The following ANK3 variants were observed in gnomAD, a reference collection of about 807,000 sequenced individuals.
ANK3 encodes ankyrin-3.
ANK3 carries 57 observed loss-of-function variants against 370.9 expected under a neutral mutation model. The ratio of observed to expected loss-of-function variants is 0.15; its 90% CI spans 0.12 to 0.19. The LOEUF (loss-of-function observed/expected upper bound fraction) is 0.19, where lower values mean the gene tolerates loss of function less well. Ranked by LOEUF, ANK3 falls within the 10% of genes least tolerant of loss-of-function variation. ANK3 has a pLI of 1.00. For synonymous variants in ANK3, 1,929 were observed against 1,946.3 expected, an observed-to-expected ratio of 0.99 and a Z score of 0.23; for missense variants, 4,439 against 5,302.1, an observed-to-expected ratio of 0.84 and a Z score of 5.06.
chr10:60,176,195 A>C lies in ANK3; in HGVS notation c.2185-3009T>G, dbSNP rs2393619. Among the ~76,000 whole-genome samples, 5 of 140,336 alleles carry C rather than the reference A, an allele frequency of 3.6e-5. No individual in the cohort carries two copies. The East Asian group carries it at 9.3e-4, about 26-fold the overall frequency. 92.1% of individuals were successfully genotyped at this position (140,336 alleles called of 152,430 possible). A position where few individuals can be genotyped will look rare whatever the true frequency, so the allele number is the denominator to read the frequency against. ...CTAAAAATACAAAAAAAAAAAAAAA[A>C]CAAAAAAAAACAAAAAACAATTAGC... On this transcript the variant is annotated intron_variant, in intron 18 of 43. Coordinates refer to ENST00000280772, the MANE Select transcript of ANK3 (RefSeq NM_020987.5).
At chr10:60,547,381 G>A (rs185326784) in intron 2 of ANK3, among the ~76,000 whole-genome samples, 5 of 151,904 alleles carry the variant, frequency 3.3e-5, no homozygotes, top group East Asian at 1.9e-4. Flanking sequence ...GTGAGCCATC[G>A]CTCCCGGTCC....
chr10:60,646,925 T>G (rs2078717206), intron 1 of ANK3, among the ~76,000 whole-genome samples: 1 of 152,190 alleles, frequency 6.6e-6, no homozygotes, highest in African/African-American at 2.4e-5. Flanking sequence ...CTTTCTAATA[T>G]AAATTATTCT....
chr10:60,650,926 T>C (rs2078780119), intron 1 of ANK3, among the ~76,000 whole-genome samples: 1 of 85,832 alleles, frequency 1.2e-5, no homozygotes, highest in Non-Finnish European at 2.6e-5. Context: ...TCCTACAAAA[T>C]TTTAACAACA....
At chr10:60,322,139 A>G (rs1017279856) in intron 1 of ANK3, among the ~76,000 whole-genome samples, 1 of 152,158 alleles carries the variant, frequency 6.6e-6, no homozygotes, top group Non-Finnish European at 1.5e-5. Context: ...CTTAACTAAT[A>G]TATTAAGTAA....
At chr10:60,638,996 T>C (rs1464253297) in intron 1 of ANK3, among the ~76,000 whole-genome samples, 1 of 151,930 alleles carries the variant, frequency 6.6e-6, no homozygotes, top group African/African-American at 2.4e-5. Flanking sequence ...CCAAATTTGA[T>C]AAAAAGCCTA....
intron 1 of ANK3, among the ~76,000 whole-genome samples, chr10:60,290,812 A>T (rs1420781622): frequency 2.0e-5 from 3 of 152,202 alleles, no homozygotes; most frequent in Non-Finnish European, 4.4e-5. Context: ...AGGCAAAACA[A>T]CATTCCCAAC....
intron 1 of ANK3, among the ~76,000 whole-genome samples, chr10:60,718,887 T>C (rs1267827653): frequency 2.6e-5 from 4 of 152,152 alleles, no homozygotes; most frequent in African/African-American, 9.7e-5. Context: ...GAAAAACTGC[T>C]CTCTGCTTTT....
chr10:60,591,058 A>G (rs1234769839), intron 2 of ANK3, among the ~76,000 whole-genome samples: 1 of 152,126 alleles, frequency 6.6e-6, no homozygotes, highest in African/African-American at 2.4e-5. Flanking sequence ...AGAGCAAGAG[A>G]CACAAAACAC....
chr10:60,045,528 T>C (rs1292493479), intron 42 of ANK3, among the ~76,000 whole-genome samples: 1 of 152,226 alleles, frequency 6.6e-6, no homozygotes, highest in Non-Finnish European at 1.5e-5. Flanking sequence ...GTGCCACTTA[T>C]AGTTCGGGAG....
chr10:60,529,988 C>T lies in ANK3; in HGVS notation c.96+85198G>A, dbSNP rs537534493. 1.1e-4 allele frequency among the ~76,000 whole-genome samples: 17 copies of T among 152,226 alleles called. No individual in the cohort carries two copies. In the Middle Eastern group the frequency reaches 0.017, roughly 152 times the overall value. ...GCATTAAAAAGGAATTGGGATTCCC[C>T]CATCCCACCCCCTGCTTTTGAAGGA... On this transcript the variant is annotated intron_variant, in intron 2 of 43. Transcript: ENST00000373827.
At chr10:60,358,163 C>T (rs2058080907) in intron 1 of ANK3, among the ~76,000 whole-genome samples, 1 of 151,624 alleles carries the variant, frequency 6.6e-6, no homozygotes, top group Non-Finnish European at 1.5e-5. Flanking sequence ...CTCTCTTATC[C>T]CACTTTTCCA....
intron 1 of ANK3, among the ~76,000 whole-genome samples, chr10:60,364,688 T>C (rs1406521755): frequency 6.6e-6 from 1 of 152,058 alleles, no homozygotes; most frequent in Non-Finnish European, 1.5e-5. Context: ...ACTTAAAGTA[T>C]AATTAAAAAA....
At chr10:60,166,791 T>C in intron 22 of ANK3, 33 bp downstream of exon 22, 1 of 1,604,038 alleles carries the variant, frequency 6.2e-7, no homozygotes, top group Non-Finnish European at 8.5e-7. Flanking sequence ...CAGTCACTTA[T>C]AATTATTGTG....
intron 2 of ANK3, among the ~76,000 whole-genome samples, chr10:60,592,153 C>G (rs1283234526): frequency 6.6e-6 from 1 of 152,034 alleles, no homozygotes; most frequent in Non-Finnish European, 1.5e-5. Flanking sequence ...GCTTATTTCA[C>G]ATTGAATGCC....
At chr10:60,339,997 T>C (rs939994260) in intron 1 of ANK3, among the ~76,000 whole-genome samples, 2 of 152,204 alleles carry the variant, frequency 1.3e-5, no homozygotes, top group African/African-American at 4.8e-5. Context: ...GTAGAAGTCA[T>C]GCAATAGGAA....
chr10:60,646,881 C>T (rs375400317), intron 1 of ANK3, among the ~76,000 whole-genome samples: 1 of 152,074 alleles, frequency 6.6e-6, no homozygotes, highest in Non-Finnish European at 1.5e-5. Context: ...CATGGAAATC[C>T]CTGATAACCT....
chr10:60,378,297 C>G (rs971396358), intron 1 of ANK3, among the ~76,000 whole-genome samples: 13 of 152,246 alleles, frequency 8.5e-5, no homozygotes, highest in African/African-American at 3.1e-4. Flanking sequence ...AAAAATTAGT[C>G]TGTTTTAAAG....
intron 1 of ANK3, among the ~76,000 whole-genome samples, chr10:60,660,911 T>TACACACACACACAC (rs779739373): frequency 1.1e-3 from 160 of 148,246 alleles, no homozygotes; most frequent in African/African-American, 2.8e-3. Context: ...GAGTTTTAAA[T>TACACACACACACAC]ACACACTCAC....
At chr10:60,473,786 C>T (rs1410050045) in intron 2 of ANK3, among the ~76,000 whole-genome samples, 1 of 151,958 alleles carries the variant, frequency 6.6e-6, no homozygotes, top group Non-Finnish European at 1.5e-5. Flanking sequence ...AATTACCCTT[C>T]TATGAAAACA....
Sources: gnomAD v4.1 joint callset for allele counts (sites outside exome capture counted in the v4.1 genomes callset) on GRCh38, gnomAD v4.1.1 for gene constraint, MANE v1.5 for transcripts, NCBI Gene and HGNC (gene_info 2026-07-23, HGNC 2026-07-21) for gene names.